ANKRD55: variants seen among roughly 807,000 people sequenced by gnomAD.
The protein encoded by ANKRD55 is ankyrin repeat domain-containing protein 55.
In ANKRD55, 41 loss-of-function variants were observed where a neutral mutation model predicts 60.6. The ratio of observed to expected loss-of-function variants is 0.68; its 90% CI spans 0.53 to 0.88. ANKRD55 has a LOEUF of 0.88. Among genes scored for constraint, ANKRD55 ranks in the 40% least tolerant of loss-of-function variants. ANKRD55 has a pLI of 0.00. For missense variants in ANKRD55, 732 were observed against 767.6 expected (o/e 0.95, Z 0.55); for synonymous variants, 264 against 290.3 (o/e 0.91, Z 0.92).
intron 7 of ANKRD55, 45 bp from the exon 8 acceptor site, chr5:56,127,151 T>C (rs1188940389): frequency 6.7e-7 from 1 of 1,492,514 alleles, no homozygotes; most frequent in Admixed American, 2.2e-5. Context: ...CAATCCAGTG[T>C]TCTTCTCTGT....
chr5:56,188,564 T>C (rs916871946), intron 2 of ANKRD55, among the ~76,000 whole-genome samples: 2 of 152,196 alleles, frequency 1.3e-5, no homozygotes, highest in Non-Finnish European at 2.9e-5. Context: ...GCACCTTTTA[T>C]TGACGAGACT....
rs779134206 is a variant in ANKRD55 at position 56,172,483 on chromosome 5, G to A, written c.313-1680C>T. Among the ~76,000 whole-genome samples the A allele has an allele frequency of 3.0e-4, 45 of 152,186 alleles. 1 individual carries two copies. In the Middle Eastern group the frequency reaches 0.01, roughly 35 times the overall value. ...GAGTTGCCAAAGATTTACAGTTTTC[G>A]AAAAGCAGATCTTTTGGTGGGGGAA... On this transcript the variant is annotated intron_variant, in intron 4 of 11. Coordinates refer to ENST00000341048, the MANE Select transcript of ANKRD55 (RefSeq NM_024669.3).
intron 7 of ANKRD55, among the ~76,000 whole-genome samples, chr5:56,128,118 G>A (rs1264344069): frequency 6.6e-6 from 1 of 152,146 alleles, no homozygotes; most frequent in Non-Finnish European, 1.5e-5. Flanking sequence ...ATAGTCAAGA[G>A]ACACTTTTCT....
intron 2 of ANKRD55, among the ~76,000 whole-genome samples, chr5:56,196,939 G>C (rs1055985111): frequency 6.6e-6 from 1 of 152,102 alleles, no homozygotes; most frequent in African/African-American, 2.4e-5. Context: ...CTCTCTCAGG[G>C]CCCCATCTCA....
At chr5:56,214,884 T>A (rs1209711257) in intron 2 of ANKRD55, among the ~76,000 whole-genome samples, 3 of 152,162 alleles carry the variant, frequency 2.0e-5, no homozygotes, top group Non-Finnish European at 4.4e-5. Context: ...AACTCTAGGA[T>A]GCCATTTTAA....
intron 2 of ANKRD55, 148 bp from the exon 3 acceptor site, chr5:56,183,782 C>T: frequency 1.0e-6 from 1 of 966,272 alleles, no homozygotes; most frequent in Non-Finnish European, 1.5e-6. Flanking sequence ...GCTACACACT[C>T]CCTCACCACT....
intron 9 of ANKRD55, among the ~76,000 whole-genome samples, chr5:56,112,852 A>G (rs1459621344): frequency 6.6e-6 from 1 of 152,202 alleles, no homozygotes; most frequent in African/African-American, 2.4e-5. Context: ...TGCAATTTGA[A>G]AAACATCACC....
intron 2 of ANKRD55, among the ~76,000 whole-genome samples, chr5:56,192,128 TCTCTC>T (rs1759109227): frequency 6.6e-6 from 1 of 152,196 alleles, no homozygotes; most frequent in African/African-American, 2.4e-5. Context: ...TCTCTCTCTC[TCTCTC>T]TTTCTCATCT....
intron 2 of ANKRD55, among the ~76,000 whole-genome samples, chr5:56,223,730 A>G (rs1478964501): frequency 1.3e-5 from 2 of 152,246 alleles, no homozygotes; most frequent in Non-Finnish European, 2.9e-5. Flanking sequence ...AACAAAGATC[A>G]GAAGAGACAA....
At chr5:56,164,763 G>A (rs1272703394) in intron 5 of ANKRD55, among the ~76,000 whole-genome samples, 2 of 152,182 alleles carry the variant, frequency 1.3e-5, no homozygotes, top group Non-Finnish European at 2.9e-5. Context: ...GAGCTGAAAG[G>A]GGGAAAACTT....
intron 9 of ANKRD55, among the ~76,000 whole-genome samples, chr5:56,112,975 T>C (rs1052192121): frequency 1.3e-5 from 2 of 152,238 alleles, no homozygotes; most frequent in Admixed American, 6.5e-5. Flanking sequence ...TCCAATGGGC[T>C]TTTTGAAATA....
intron 2 of ANKRD55, among the ~76,000 whole-genome samples, chr5:56,184,013 A>C (rs1230950558): frequency 1.3e-5 from 2 of 152,096 alleles, no homozygotes; most frequent in African/African-American, 2.4e-5. Flanking sequence ...CCAATAACTC[A>C]GTTTACTACC....
intron 6 of ANKRD55, among the ~76,000 whole-genome samples, chr5:56,153,965 A>T (rs1270002835): frequency 6.6e-6 from 1 of 151,842 alleles, no homozygotes; most frequent in Non-Finnish European, 1.5e-5. Context: ...TAATCCCAGC[A>T]CTTTGGGAGG....
At chr5:56,139,420 C>T (rs1006906835) in intron 7 of ANKRD55, among the ~76,000 whole-genome samples, 5 of 151,960 alleles carry the variant, frequency 3.3e-5, no homozygotes, top group East Asian at 1.9e-4. Context: ...CTAGAAGTAA[C>T]GTGGAGGGAA....
Position 56,143,909 on chromosome 5 carries a change from C to G in ANKRD55, c.504G>C (p.Trp168Cys). The G allele has an allele frequency of 1.9e-6, 3 of 1,614,036 alleles. No homozygotes were observed. The highest frequency in any genetic ancestry group is 2.5e-6 in the Non-Finnish European group (3 of 1,180,036). ...QDNEGMTPLHWAAFHNQPQHT... is the reference protein window; with the variant it reads ...QDNEGMTPLHCAAFHNQPQHT... ...GTTGAGGCTGGTTGTGGAAAGCCGCCCAGTGGAGTGGTGTCATTCCCTGCA... is the reference window on the plus strand; with the variant it reads ...GTTGAGGCTGGTTGTGGAAAGCCGCGCAGTGGAGTGGTGTCATTCCCTGCA... The change falls in exon 7 of 12, where the codon TGG (tryptophan) becomes TGC (cysteine). Residue 168 changes from tryptophan (W) to cysteine (C), a missense_variant. Coordinates refer to ENST00000341048, the MANE Select transcript of ANKRD55 (RefSeq NM_024669.3).
chr5:56,226,506 T>G (rs1309784479), intron 2 of ANKRD55, among the ~76,000 whole-genome samples: 3 of 122,240 alleles, frequency 2.5e-5, no homozygotes, highest in African/African-American at 4.5e-5. Context: ...CTAGAGAGCT[T>G]CTTCTGCACA....
intron 6 of ANKRD55, among the ~76,000 whole-genome samples, chr5:56,151,971 C>A (rs539419850): frequency 9.5e-5 from 14 of 147,352 alleles, no homozygotes; most frequent in Non-Finnish European, 3.0e-5. Context: ...AATTTTTGTG[C>A]CTCACTAAAG....
chr5:56,162,672 AATT>A (rs1758361160), intron 5 of ANKRD55, among the ~76,000 whole-genome samples: 1 of 147,042 alleles, frequency 6.8e-6, no homozygotes, highest in Non-Finnish European at 1.5e-5. Flanking sequence ...ATTTTTGGTC[AATT>A]TTTTTTTTTT....
chr5:56,218,405 A>G (rs1759875231), intron 2 of ANKRD55, among the ~76,000 whole-genome samples: 1 of 152,212 alleles, frequency 6.6e-6, no homozygotes, highest in South Asian at 2.1e-4. Context: ...AGAACTTGCC[A>G]TAGCTACCCC....
Sources: allele counts gnomAD v4.1 joint callset (sites outside exome capture counted in the v4.1 genomes callset), GRCh38; gene constraint gnomAD v4.1.1; transcripts MANE v1.5; gene names NCBI Gene and HGNC (gene_info 2026-07-23, HGNC 2026-07-21).